ADAMTSL1: variants seen among roughly 807,000 people sequenced by gnomAD.
ADAMTSL1 encodes ADAMTS-like protein 1.
A neutral mutation model predicts 201.8 loss-of-function variants in ADAMTSL1; 126 were observed. The observed-to-expected ratio is 0.62, with a 90% confidence interval of 0.54 to 0.72. The LOEUF (loss-of-function observed/expected upper bound fraction) is 0.72, where lower values mean the gene tolerates loss of function less well. ADAMTSL1 is among the 30% of genes least tolerant of loss of function. ADAMTSL1 has a pLI of 0.00. For synonymous variants in ADAMTSL1, 1,121 were observed against 903.4 expected (o/e 1.24, Z -4.32); for missense variants, 2,679 against 2,277.8 (o/e 1.18, Z -3.59).
chr9:17,940,810 C>CCT lies in ADAMTSL1; in HGVS notation c.87+33889_87+33890insTC, dbSNP rs1554667548. ...AAATAAAAGTAAATAACACCCCCCC[C>CCT]CCAAAAAAAAGAAAGAAATAACGAC... On this transcript the variant is annotated intron_variant, in intron 1 of 29. Transcript: ENST00000680146. Among the ~76,000 whole-genome samples the CCT allele has an allele frequency of 9.3e-5, 6 of 64,524 alleles. No individual in the cohort carries two copies. In the East Asian group the frequency reaches 0.013, roughly 144 times the overall value. 42.3% of individuals were successfully genotyped at this position (64,524 alleles called of 152,430 possible). A position where few individuals can be genotyped will look rare whatever the true frequency, so the allele number is the denominator to read the frequency against.
rs114885643 is a variant in ADAMTSL1, at chr9:18,553,012, T to A, written c.237+19720T>A. On this transcript the variant is annotated intron_variant, in intron 3 of 28. Coordinates refer to ENST00000380548, the MANE Select transcript of ADAMTSL1 (RefSeq NM_001040272.6). ...ACTGATAAAATTACACTTATCTCTA[T>A]CTTTAAATTTATGGATATTTAATGT... is the stretch of plus-strand genomic sequence containing the variant. 2.5e-3 allele frequency among the ~76,000 whole-genome samples: 379 copies of A among 151,692 alleles called. 2 individuals carry two copies. Among genetic ancestry groups the A allele is most frequent in the African/African-American group, 8.7e-3 (362 of 41,510 alleles).
At chr9:18,130,683 C>T (rs1034436016) in intron 1 of ADAMTSL1, among the ~76,000 whole-genome samples, 3 of 152,266 alleles carry the variant, frequency 2.0e-5, no homozygotes, top group Admixed American at 6.5e-5. Flanking sequence ...TTTAGGAATA[C>T]AAACTACCAA....
Position 18,237,445 on chromosome 9 carries a change from C to A in ADAMTSL1, c.207+73464C>A, listed in dbSNP as rs552533554. 7.9e-5 allele frequency among the ~76,000 whole-genome samples: 12 copies of A among 152,286 alleles called. No homozygotes were observed. The East Asian group carries it at 2.3e-3, about 29-fold the overall frequency. ...CACTGTTCTCATATTCCGTGCTCTC[C>A]TGTTTACCTTGTTGCTTTTGGCATT... On this transcript the variant is annotated intron_variant, in intron 2 of 29. Transcript: ENST00000680146.
At chr9:18,200,141 A>G (rs1587293937) in intron 2 of ADAMTSL1, among the ~76,000 whole-genome samples, 1 of 152,224 alleles carries the variant, frequency 6.6e-6, no homozygotes, top group East Asian at 1.9e-4. Flanking sequence ...AATACTTAAA[A>G]AAATGAATTT....
At chr9:18,889,417 C>G (rs1451153806) in intron 24 of ADAMTSL1, 151 bp from the exon 25 acceptor site, 1 of 831,786 alleles carries the variant, frequency 1.2e-6, no homozygotes, top group East Asian at 3.0e-5. Context: ...GAATGGTTCC[C>G]TGCGAGGAGC....
rs75729431 is a variant in ADAMTSL1 at position 18,183,690 on chromosome 9, T to C, written c.207+19709T>C. 2.8e-3 allele frequency among the ~76,000 whole-genome samples: 426 copies of C among 152,296 alleles called. 2 individuals are homozygous for C. The highest frequency in any genetic ancestry group is 4.7e-3 in the Non-Finnish European group (322 of 68,020). On this transcript the variant is annotated intron_variant, in intron 2 of 29. Coordinates refer to the ADAMTSL1 transcript ENST00000680146. Reference sequence around the variant, plus strand: ...AGATACCACTACACATCTATTAGAATGGTCAAAATCCAAACGCTGACATCA... The same window carrying C: ...AGATACCACTACACATCTATTAGAACGGTCAAAATCCAAACGCTGACATCA...
At chr9:18,361,541 G>A (rs1403755873) in intron 2 of ADAMTSL1, among the ~76,000 whole-genome samples, 5 of 152,126 alleles carry the variant, frequency 3.3e-5, no homozygotes. Context: ...GATGTGTTGT[G>A]CCTTAAAGCA....
intron 1 of ADAMTSL1, among the ~76,000 whole-genome samples, chr9:18,493,255 G>C (rs1276780890): frequency 6.6e-6 from 1 of 152,098 alleles, no homozygotes; most frequent in Admixed American, 6.5e-5. Flanking sequence ...TATTTTTCCT[G>C]ATTAATTCTG....
intron 1 of ADAMTSL1, among the ~76,000 whole-genome samples, chr9:17,923,072 T>C (rs989018375): frequency 2.6e-5 from 4 of 152,196 alleles, no homozygotes; most frequent in African/African-American, 9.6e-5. Flanking sequence ...AGTCAGGTTG[T>C]GTGATTCCTC....
rs59026505 is a variant in ADAMTSL1, at chr9:18,254,345, GTTTTTT to G, written c.207+90394_207+90399del. Among the ~76,000 whole-genome samples, 118 of 49,306 alleles carry G rather than the reference GTTTTTT, an allele frequency of 2.4e-3. 1 individual carries two copies. The highest frequency in any genetic ancestry group is 6.0e-3 in the African/African-American group (75 of 12,494). The allele number at this position is 49,306 out of a possible 152,430, so 32.3% of individuals were successfully genotyped here. On this transcript the variant is annotated intron_variant, in intron 2 of 29. Coordinates refer to the ADAMTSL1 transcript ENST00000680146. ...GGAACTACCGTCAATACTCTTTTTG[GTTTTTT>G]TTTTTTTTTTTTTTTTTTTTTTTTT...
In ADAMTSL1 at chr9:18,449,288, A is replaced by G. The variant is rs566228274; in HGVS notation, c.208-55541A>G. The stretch of plus-strand genomic sequence containing the variant: ...CTCTATTATATAATTTAAAAATATA[A>G]TTATATAATTTATATTTAAAAATCT... On this transcript the variant is annotated intron_variant, in intron 2 of 29. Transcript: ENST00000680146. 1.4e-3 allele frequency among the ~76,000 whole-genome samples: 212 copies of G among 150,724 alleles called. 2 individuals carry two copies. The highest frequency in any genetic ancestry group is 4.8e-3 in the African/African-American group (199 of 41,382).
At chr9:18,290,052 G>T (rs541691789) in intron 2 of ADAMTSL1, among the ~76,000 whole-genome samples, 1 of 152,140 alleles carries the variant, frequency 6.6e-6, no homozygotes, top group Admixed American at 6.5e-5. Context: ...GAGTGTGCCT[G>T]TGCCTTCCAA....
At chr9:17,982,999 G>A (rs958761206) in intron 1 of ADAMTSL1, among the ~76,000 whole-genome samples, 3 of 150,856 alleles carry the variant, frequency 2.0e-5, no homozygotes, top group East Asian at 3.9e-4. Flanking sequence ...ATTGGGGCTA[G>A]GCATTAGTAC....
chr9:18,578,890 G>T (rs1236669655), intron 4 of ADAMTSL1, among the ~76,000 whole-genome samples: 2 of 150,964 alleles, frequency 1.3e-5, no homozygotes, highest in Non-Finnish European at 3.0e-5. Context: ...TCCAGCACCT[G>T]TTGTTTCCTG....
chr9:18,424,734 A>G (rs1819126131), intron 2 of ADAMTSL1, among the ~76,000 whole-genome samples: 1 of 152,166 alleles, frequency 6.6e-6, no homozygotes, highest in South Asian at 2.1e-4. Flanking sequence ...GGAGCCATTC[A>G]GACCTACCCA....
Position 18,777,320 on chromosome 9 carries a change from C to G in ADAMTSL1, c.3091C>G (p.Gln1031Glu). The G allele has an allele frequency of 6.2e-7, 1 of 1,601,960 alleles. No homozygotes were observed. Among genetic ancestry groups the G allele is most frequent in the Non-Finnish European group, 8.5e-7 (1 of 1,174,454 alleles). The change falls in exon 19 of 29, where the codon CAG (glutamine) becomes GAG (glutamate). Residue 1031 changes from glutamine (Q) to glutamate (E), a missense_variant. Coordinates refer to ENST00000380548, the MANE Select transcript of ADAMTSL1 (RefSeq NM_001040272.6). ...YDDLVSRLLE[Q>E]GGWPGELLAS... ...CGACCTCGTCTCCCGGCTGCTGGAG[C>G]AGGGCGGCTGGCCCGGAGAGCTGCT... is the stretch of plus-strand genomic sequence containing the variant.
chr9:18,178,786 A>G (rs568574380), intron 2 of ADAMTSL1, among the ~76,000 whole-genome samples: 37 of 152,222 alleles, frequency 2.4e-4, no homozygotes, highest in Admixed American at 5.9e-4. Flanking sequence ...TCACATGGCC[A>G]GGTACTCCAA....
intron 2 of ADAMTSL1, among the ~76,000 whole-genome samples, chr9:18,177,398 T>C (rs1828217304): frequency 6.6e-6 from 1 of 152,216 alleles, no homozygotes; most frequent in South Asian, 2.1e-4. Context: ...GATGGAAATG[T>C]GGCTAAAACG....
At chr9:18,685,079 G>A in intron 13 of ADAMTSL1, 2 of 859,920 alleles carry the variant, frequency 2.3e-6, no homozygotes, top group Non-Finnish European at 2.9e-6. Context: ...TGCGCAAGGG[G>A]CCAAAGGTGA....
Sources: gnomAD v4.1 joint callset for allele counts (sites outside exome capture counted in the v4.1 genomes callset) on GRCh38, gnomAD v4.1.1 for gene constraint, MANE v1.5 for transcripts, NCBI Gene and HGNC (gene_info 2026-07-23, HGNC 2026-07-21) for gene names.